The following RHCE variants were observed in gnomAD, a reference collection of about 807,000 sequenced individuals.
RHCE encodes the protein blood group Rh(CE) polypeptide.
In RHCE, 22 loss-of-function variants were observed where a neutral mutation model predicts 43.8. The ratio of observed to expected loss-of-function variants is 0.50; its 90% CI spans 0.36 to 0.72. RHCE has a LOEUF of 0.72. RHCE is among the 30% of genes least tolerant of loss of function. The pLI is 0.00. For missense variants in RHCE, 385 were observed against 525.4 expected (o/e 0.73, Z 2.61); for synonymous variants, 156 against 210.7 (o/e 0.74, Z 2.25).
rs1261354053 is a variant in RHCE at position 25,415,105 on chromosome 1, T to A, written c.148+5534A>T. ...CTCACCTCAGGAACTGGCACCTCTC[T>A]ATGCCAAATCATACATCTGCAGCCA... On this transcript the variant is annotated intron_variant, in intron 1 of 9. Transcript: ENST00000294413. 4.6e-5 allele frequency among the ~76,000 whole-genome samples: 7 copies of A among 152,114 alleles called. No individual in the cohort carries two copies. The East Asian group carries it at 1.4e-3, about 29-fold the overall frequency.
At chr1:25,402,793 T>TCTCA in intron 2 of RHCE, 47 bp from the exon 3 acceptor site, 2 of 1,606,790 alleles carry the variant, frequency 1.2e-6, no homozygotes, top group Non-Finnish European at 1.7e-6. Flanking sequence ...GAAGGATGCC[T>TCTCA]CTCACTCATT....
At chr1:25,393,893 C>A (rs1646458794) in intron 3 of RHCE, among the ~76,000 whole-genome samples, 1 of 152,070 alleles carries the variant, frequency 6.6e-6, no homozygotes, top group Admixed American at 6.5e-5. Context: ...AGGGAGTAGT[C>A]CACCCTGGGT....
chr1:25,379,477 ATATATATATATATATATAT>A (rs1206220157), intron 7 of RHCE, among the ~76,000 whole-genome samples: 3 of 13,462 alleles, frequency 2.2e-4, no homozygotes, highest in Non-Finnish European at 4.9e-4. Flanking sequence ...ATATATATAT[ATATATATATATATATATAT>A]TTTTTTTTTT....
intron 6 of RHCE, among the ~76,000 whole-genome samples, chr1:25,386,174 T>C (rs534639310): frequency 2.8e-4 from 43 of 152,186 alleles, no homozygotes; most frequent in Non-Finnish European, 5.7e-4. Flanking sequence ...TAATTCCTTG[T>C]GATGGGGGCT....
At chr1:25,426,950 T>C (rs2042809054) in intron 2 of RHCE, among the ~76,000 whole-genome samples, 1 of 151,824 alleles carries the variant, frequency 6.6e-6, no homozygotes, top group African/African-American at 2.4e-5. Flanking sequence ...TCAGCTACTC[T>C]GGAGGCTGAG....
In RHCE at chr1:25,389,191, G is replaced by C; in HGVS notation, c.802-78C>G. ...TCTTGCTGCAAGTGACCAGCACGCT[G>C]GGAACAAGGCAACCCTGTAACATCC... is the stretch of plus-strand genomic sequence containing the variant. On this transcript the variant is annotated intron_variant, in intron 5 of 9. Transcript: ENST00000294413. 2.7e-6 allele frequency: 4 copies of C among 1,500,588 alleles called. No individual in the cohort carries two copies. In the South Asian group the frequency reaches 4.6e-5, roughly 17 times the overall value. 93.0% of individuals were successfully genotyped at this position (1,500,588 alleles called of 1,614,324 possible).
Position 25,385,698 on chromosome 1 carries a change from C to T in RHCE, c.1073+13G>A. On this transcript the variant is annotated intron_variant, in intron 7 of 9. Transcript: ENST00000294413. Reference sequence around the variant, plus strand: ...GAGTGTTAAGGGGATGGGGGGTAAGCCCAGTGACCCACATGCCATTGCCGT... The same window carrying T: ...GAGTGTTAAGGGGATGGGGGGTAAGTCCAGTGACCCACATGCCATTGCCGT... 6.2e-7 allele frequency: 1 copy of T among 1,613,940 alleles called. No homozygotes were observed. Among genetic ancestry groups the T allele is most frequent in the South Asian group, 1.1e-5 (1 of 91,072 alleles).
intron 1 of RHCE, chr1:25,429,068 A>G (rs2042827175): frequency 6.6e-6 from 1 of 152,258 alleles, no homozygotes; most frequent in African/African-American, 2.4e-5. Flanking sequence ...GTTTGTGAGC[A>G]GAAGAAAGTA....
intron 9 of RHCE, among the ~76,000 whole-genome samples, chr1:25,369,276 G>A (rs1645530393): frequency 6.6e-6 from 1 of 151,574 alleles, no homozygotes; most frequent in African/African-American, 2.4e-5. Flanking sequence ...GGTGGGGCAA[G>A]CATTGGCCTG....
chr1:25,420,522 A>T lies in RHCE; in HGVS notation c.148+117T>A. The T allele has an allele frequency of 5.0e-6, 8 of 1,598,850 alleles. 1 individual carries two copies. In the South Asian group the frequency reaches 8.9e-5, roughly 18 times the overall value. Reference sequence around the variant, plus strand: ...TGCAATCTACGGAAGAAGATGGGGGAATCTTTTCCTCGGGATTTTGTAGAA... The same window carrying T: ...TGCAATCTACGGAAGAAGATGGGGGTATCTTTTCCTCGGGATTTTGTAGAA... On this transcript the variant is annotated intron_variant, in intron 1 of 9. Coordinates refer to ENST00000294413, the MANE Select transcript of RHCE (RefSeq NM_020485.8).
At chr1:25,386,902 G>A (rs1349907255) in intron 6 of RHCE, among the ~76,000 whole-genome samples, 2 of 151,656 alleles carry the variant, frequency 1.3e-5, no homozygotes, top group Admixed American at 1.3e-4. Flanking sequence ...ATGGTGGTGG[G>A]CACCTGTAAT....
chr1:25,382,399 A>C (rs1646027798), intron 7 of RHCE, among the ~76,000 whole-genome samples: 1 of 148,388 alleles, frequency 6.7e-6, no homozygotes, highest in South Asian at 2.1e-4. Context: ...ATCAAATGGT[A>C]CTTGTATGAT....
chr1:25,411,227 T>A, intron 1 of RHCE: 3 of 1,372,812 alleles, frequency 2.2e-6, no homozygotes, highest in Non-Finnish European at 2.9e-6. Context: ...GAGAGGTTTC[T>A]GGGACATCCG....
chr1:25,417,596 C>G (rs1287303339), intron 1 of RHCE, among the ~76,000 whole-genome samples: 1 of 152,060 alleles, frequency 6.6e-6, no homozygotes, highest in Non-Finnish European at 1.5e-5. Flanking sequence ...CATCCACTAT[C>G]GTCAACTGTA....
chr1:25,378,733 T>C (rs1488137422), intron 7 of RHCE, among the ~76,000 whole-genome samples: 1 of 152,210 alleles, frequency 6.6e-6, no homozygotes, highest in East Asian at 1.9e-4. Context: ...TCCCCCTCTC[T>C]TTCTGCTGCC....
intron 3 of RHCE, among the ~76,000 whole-genome samples, chr1:25,401,131 G>A (rs1433973221): frequency 6.6e-6 from 1 of 152,178 alleles, no homozygotes; most frequent in Non-Finnish European, 1.5e-5. Context: ...ATTTCTCAGA[G>A]TAAATCCAAA....
intron 7 of RHCE, among the ~76,000 whole-genome samples, chr1:25,382,891 T>C (rs939964961): frequency 6.6e-6 from 1 of 152,212 alleles, no homozygotes; most frequent in African/African-American, 2.4e-5. Context: ...CCAAATAGAC[T>C]TATTTTTACA....
intron 5 of RHCE, among the ~76,000 whole-genome samples, chr1:25,390,450 G>A (rs1359898288): frequency 6.6e-6 from 1 of 152,212 alleles, no homozygotes; most frequent in Admixed American, 6.5e-5. Context: ...TCTCGCTCAT[G>A]GTGACTGACT....
upstream of RHCE, among the ~76,000 whole-genome samples, chr1:25,424,752 T>C (rs1223810738): frequency 1.3e-5 from 2 of 152,136 alleles, no homozygotes; most frequent in African/African-American, 4.8e-5. Flanking sequence ...CAAGGGTTCC[T>C]TGTGTTCCCC....
Sources: gnomAD v4.1 joint callset for allele counts (sites outside exome capture counted in the v4.1 genomes callset) on GRCh38, gnomAD v4.1.1 for gene constraint, MANE v1.5 for transcripts, NCBI Gene and HGNC (gene_info 2026-07-23, HGNC 2026-07-21) for gene names.